TMC6: variants seen among roughly 807,000 people sequenced by gnomAD.
The protein encoded by TMC6 is transmembrane channel-like protein 6.
In TMC6, 71 loss-of-function variants were observed where a neutral mutation model predicts 95.4. That is an observed-to-expected ratio of 0.74 (90% confidence interval 0.61 to 0.91). The LOEUF (loss-of-function observed/expected upper bound fraction) is 0.91, where lower values mean the gene tolerates loss of function less well. Among genes scored for constraint, TMC6 ranks in the 40% least tolerant of loss-of-function variants. The pLI, the probability that TMC6 is intolerant of heterozygous loss-of-function variation, is 0.00. For missense variants in TMC6, 1,074 were observed against 1,079.1 expected (o/e 1.00, Z 0.07); for synonymous variants, 514 against 483.1 (o/e 1.06, Z -0.84).
intron 9 of TMC6, 50 bp downstream of exon 9, chr17:78,123,939 T>A (rs200186415): frequency 7.7e-5 from 124 of 1,601,656 alleles, no homozygotes; most frequent in Non-Finnish European, 9.2e-5. Flanking sequence ...GAAAGATGAA[T>A]GGATGGATGA....
chr17:78,113,707 G>T, intron 18 of TMC6, 83 bp from the exon 19 acceptor site: 1 of 1,407,698 alleles, frequency 7.1e-7, no homozygotes, highest in Non-Finnish European at 1.0e-6. Context: ...GCATTTGAGG[G>T]AAAACTCACG....
chr17:78,124,169 G>T lies in TMC6; in HGVS notation c.902C>A (p.Thr301Asn). The T allele has an allele frequency of 6.2e-7, 1 of 1,611,594 alleles. No individual in the cohort carries two copies. Among genetic ancestry groups the T allele is most frequent in the Non-Finnish European group, 8.5e-7 (1 of 1,179,730 alleles). The change falls in exon 9 of 20, where the codon ACC becomes AAC. Residue 301 changes from threonine (T) to asparagine (N), a missense_variant. By Grantham distance (65) the Thr-to-Asn change is moderately conservative. Transcript: ENST00000590602. The stretch of plus-strand genomic sequence containing the variant: ...GTGGCCGTAGTACATGACGGTGTGG[G>T]TGAAGCAACCCTGCCACAGGGAGAT... ...LELLTGAGCF[T>N]HTVMYYGHYS...
intron 13 of TMC6, chr17:78,119,706 C>T: frequency 4.6e-6 from 2 of 432,018 alleles, no homozygotes; most frequent in African/African-American, 2.0e-5. Context: ...GCAATCGTGG[C>T]TCACTGCAGC....
upstream of TMC6, chr17:78,131,153 A>C: frequency 1.5e-5 from 4 of 260,612 alleles, no homozygotes; most frequent in Non-Finnish European, 3.0e-5. Context: ...AAGAGAGGGA[A>C]TTGTCTCTCC....
chr17:78,131,988 C>T (rs537981704), upstream of TMC6: 8 of 1,527,294 alleles, frequency 5.2e-6, no homozygotes, highest in African/African-American at 8.3e-5. Flanking sequence ...GCGGCTGGCC[C>T]GGGGCCTTGG....
At chr17:78,114,107 C>T (rs963789495) in intron 18 of TMC6, 4 of 286,650 alleles carry the variant, frequency 1.4e-5, no homozygotes, top group African/African-American at 8.9e-5. Context: ...AAATGAGTCT[C>T]ACTGGGCTCC....
rs2074459162 is a variant in TMC6, at chr17:78,122,410, T to C, written c.1227+195A>G. The C allele has an allele frequency of 5.1e-6, 4 of 783,066 alleles. No individual in the cohort carries two copies. Among genetic ancestry groups the C allele is most frequent in the Non-Finnish European group, 8.0e-6 (4 of 502,366 alleles). The allele number at this position is 783,066 out of a possible 1,614,324, so 48.5% of individuals were successfully genotyped here. On this transcript the variant is annotated intron_variant, in intron 10 of 19. Transcript: ENST00000590602. The surrounding 1 kb of genome is among the most constrained non-coding windows in gnomAD (Gnocchi z 4.9). ...ACAGAGGCAGCCCCTAACTGATGGGTGTGTGCCAGAGAAAAACTCAGGGCC... is the reference window on the plus strand; with the variant it reads ...ACAGAGGCAGCCCCTAACTGATGGGCGTGTGCCAGAGAAAAACTCAGGGCC...
chr17:78,119,160 G>T, intron 14 of TMC6, 114 bp from the exon 15 acceptor site: 1 of 1,494,252 alleles, frequency 6.7e-7, no homozygotes, highest in Non-Finnish European at 9.3e-7. Flanking sequence ...GAGTCCCCGG[G>T]GTTAGGGTCT....
chr17:78,116,642 T>C (rs537581283), intron 18 of TMC6, among the ~76,000 whole-genome samples: 4 of 151,994 alleles, frequency 2.6e-5, no homozygotes, highest in South Asian at 2.1e-4. Flanking sequence ...TCCTAGCACT[T>C]TGGGAGGCCA....
rs9895373 is a variant in TMC6 at position 78,124,923 on chromosome 17, G to C, written c.599C>G (p.Ser200Cys). 2 of 1,598,858 alleles carry C rather than the reference G, an allele frequency of 1.3e-6. No homozygotes were observed. Among genetic ancestry groups the C allele is most frequent in the Non-Finnish European group, 1.7e-6 (2 of 1,174,776 alleles). Residue 200 changes from serine (S) to cysteine (C), a missense_variant, in exon 7 of 20, where the codon TCC becomes TGC. Physicochemically the swap from Ser to Cys is moderately radical, Grantham distance 112. Transcript: ENST00000590602. Reference sequence around the variant, plus strand: ...GGCATATCTGAGCCGGCCACAGCAGGAGCAGACCCCGCCGCTGCCCGGCTG... The same window carrying C: ...GGCATATCTGAGCCGGCCACAGCAGCAGCAGACCCCGCCGCTGCCCGGCTG... ...RGQPGSGGVCSCCGRLRYACV... is the reference protein window; with the variant it reads ...RGQPGSGGVCCCCGRLRYACV...
At position 78,121,431 on chromosome 17, in the gene TMC6, C is replaced by A; in HGVS notation, c.1383+125G>T. ...GAGGGGGCCCCAGCACGGGGCACAG[C>A]GTACGTGGCACCCTGGGCTGGCTGG... is the stretch of plus-strand genomic sequence containing the variant. On this transcript the variant is annotated intron_variant, in intron 11 of 19. Coordinates refer to ENST00000590602, the MANE Select transcript of TMC6 (RefSeq NM_001127198.5). The surrounding 1 kb of genome is among the most constrained non-coding windows in gnomAD (Gnocchi z 5.6). The A allele has an allele frequency of 6.6e-7, 1 of 1,507,576 alleles. No individual in the cohort carries two copies. Among genetic ancestry groups the A allele is most frequent in the East Asian group, 2.4e-5 (1 of 41,592 alleles). The allele number at this position is 1,507,576 out of a possible 1,614,324, so 93.4% of individuals were successfully genotyped here.
chr17:78,123,153 T>G, intron 9 of TMC6: 1 of 343,434 alleles, frequency 2.9e-6, no homozygotes, highest in East Asian at 7.8e-5. Flanking sequence ...CCGCCTCCCC[T>G]GGGAAGCAGC....
Position 78,122,807 on chromosome 17 carries a change from G to A in TMC6, c.1083-58C>T. ...ACAAGCTGACGGGCAGAGGCCAAGG[G>A]GAGAAGGCAGACCGGATGCTCTGGG... is the stretch of plus-strand genomic sequence containing the variant. On this transcript the variant is annotated intron_variant, in intron 9 of 19. Transcript: ENST00000590602. The surrounding 1 kb of genome is among the most constrained non-coding windows in gnomAD (Gnocchi z 4.9). The A allele has an allele frequency of 5.7e-6, 9 of 1,578,810 alleles. No individual in the cohort carries two copies. Among genetic ancestry groups the A allele is most frequent in the Non-Finnish European group, 7.7e-6 (9 of 1,167,980 alleles).
chr17:78,127,234 C>T (rs997970893), intron 1 of TMC6, among the ~76,000 whole-genome samples: 1 of 152,172 alleles, frequency 6.6e-6, no homozygotes, highest in African/African-American at 2.4e-5. Context: ...TTCAGGATCT[C>T]CATGCCCAGG....
At position 78,128,536 on chromosome 17, in the gene TMC6, G is replaced by A. The variant is rs888724003; in HGVS notation, c.-75+76C>T. On this transcript the variant is annotated intron_variant, in intron 1 of 19. Transcript: ENST00000590602. The surrounding 1 kb of genome is among the most constrained non-coding windows in gnomAD (Gnocchi z 4.0). ...CCCCAGAGGCCGAAAGGAATTCAGGGGGGATTGCCGCTGTCCCCGCATAGG... is the reference window on the plus strand; with the variant it reads ...CCCCAGAGGCCGAAAGGAATTCAGGAGGGATTGCCGCTGTCCCCGCATAGG... 1.3e-5 allele frequency: 2 copies of A among 152,282 alleles called. No homozygotes were observed. The highest frequency in any genetic ancestry group is 2.4e-5 in the African/African-American group (1 of 41,446). The allele number at this position is 152,282 out of a possible 1,614,324, so 9.4% of individuals were successfully genotyped here.
At chr17:78,126,735 T>C (rs764378436) in intron 2 of TMC6, 42 bp downstream of exon 2, 1 of 1,611,148 alleles carries the variant, frequency 6.2e-7, no homozygotes, top group Non-Finnish European at 8.5e-7. Flanking sequence ...CCGTGGGGGG[T>C]GGAACATTCC....
At position 78,125,746 on chromosome 17, in the gene TMC6, G is replaced by A; in HGVS notation, c.410C>T (p.Pro137Leu). 6.4e-7 allele frequency: 1 copy of A among 1,568,792 alleles called. No individual in the cohort carries two copies. The highest frequency in any genetic ancestry group is 8.6e-7 in the Non-Finnish European group (1 of 1,157,242). ...SLRLYDLELD[P>L]TALEEEEKQS... is the part of the protein sequence containing the mutation. ...CTCACCCTCCTCCTCCAGGGCCGTG[G>A]GGTCCAGCTCCAGGTCGTACAGGCG... Residue 137 changes from proline (P) to leucine (L), a missense_variant, in exon 5 of 20, where the codon CCC becomes CTC. Transcript: ENST00000590602.
chr17:78,131,447 C>T, upstream of TMC6: 2 of 1,232,582 alleles, frequency 1.6e-6, no homozygotes, highest in Non-Finnish European at 2.3e-6. Context: ...GCCCCGACGC[C>T]GGCGCAGAGG....
At position 78,120,656 on chromosome 17, in the gene TMC6, C is replaced by G; in HGVS notation, c.1712G>C (p.Trp571Ser). ...LLDTLFGELVWRIISEKKLKR... is the reference protein window; with the variant it reads ...LLDTLFGELVSRIISEKKLKR... ...AGTCCGCCCAGGACCCCCTCACCTCCACACCAGTTCCCCAAAAAGCGTGTC... is the reference window on the plus strand; with the variant it reads ...AGTCCGCCCAGGACCCCCTCACCTCGACACCAGTTCCCCAAAAAGCGTGTC... The change falls in exon 13 of 20, where the codon TGG becomes TCG. Residue 571 changes from tryptophan to serine, a missense_variant. By Grantham distance (177) the Trp-to-Ser change is radical. Transcript: ENST00000590602. 6.2e-7 allele frequency: 1 copy of G among 1,614,044 alleles called. No homozygotes were observed. The highest frequency in any genetic ancestry group is 1.1e-5 in the South Asian group (1 of 91,086).
Sources: allele counts gnomAD v4.1 joint callset (sites outside exome capture counted in the v4.1 genomes callset), GRCh38; gene constraint gnomAD v4.1.1; non-coding constraint Gnocchi (gnomAD v3.1); transcripts MANE v1.5; gene names NCBI Gene and HGNC (gene_info 2026-07-23, HGNC 2026-07-21).